KHDRBS2: variants seen among roughly 807,000 people sequenced by gnomAD.
KHDRBS2 encodes KH domain-containing, RNA-binding, signal transduction-associated protein 2.
In KHDRBS2, 26 loss-of-function variants were observed where a neutral mutation model predicts 44.3. That is an observed-to-expected ratio of 0.59 (90% CI 0.43 to 0.81). The LOEUF is 0.81. Ranked by LOEUF, KHDRBS2 falls within the 40% of genes least tolerant of loss-of-function variation. The pLI is 0.00. For synonymous variants in KHDRBS2, 194 were observed against 151.1 expected (o/e 1.28, Z -2.08); for missense variants, 476 against 433.1 (o/e 1.10, Z -0.88).
chr6:62,215,264 G>A (rs1262283572), intron 1 of KHDRBS2, among the ~76,000 whole-genome samples: 1 of 151,884 alleles, frequency 6.6e-6, no homozygotes, highest in Non-Finnish European at 1.5e-5. Context: ...CTACCCACAT[G>A]CAGTGCAATA....
intron 6 of KHDRBS2, among the ~76,000 whole-genome samples, chr6:61,738,393 TTCTA>T (rs1264174840): frequency 1.3e-5 from 2 of 152,074 alleles, no homozygotes; most frequent in Non-Finnish European, 2.9e-5. Context: ...TAAGATTTCT[TTCTA>T]TCTGTGAAGT....
intron 1 of KHDRBS2, among the ~76,000 whole-genome samples, chr6:62,227,825 T>C (rs1832171045): frequency 6.6e-6 from 1 of 152,230 alleles, no homozygotes; most frequent in African/African-American, 2.4e-5. Context: ...ATGGATTACA[T>C]TTATTGATTT....
chr6:61,937,380 T>G (rs1178651205), intron 4 of KHDRBS2, among the ~76,000 whole-genome samples: 2 of 152,112 alleles, frequency 1.3e-5, no homozygotes, highest in Non-Finnish European at 2.9e-5. Flanking sequence ...AAATTCTTCT[T>G]GTACATAGAA....
chr6:62,022,007 A>G (rs1782432158), intron 3 of KHDRBS2, among the ~76,000 whole-genome samples: 1 of 149,270 alleles, frequency 6.7e-6, no homozygotes, highest in South Asian at 2.1e-4. Flanking sequence ...CACACACTAT[A>G]TATATATACA....
Position 62,090,559 on chromosome 6 carries a change from G to GT in KHDRBS2, c.220-42566dup, listed in dbSNP as rs538521180. On this transcript the variant is annotated intron_variant, in intron 2 of 8. Coordinates refer to ENST00000281156, the MANE Select transcript of KHDRBS2 (RefSeq NM_152688.4). ...AACACCTAGTGGTTATAGGAAAGGT[G>GT]TTTTTTTTTTTTAATTTTACTTATT... is the stretch of plus-strand genomic sequence containing the variant. 7.1e-3 allele frequency among the ~76,000 whole-genome samples: 1,014 copies of GT among 143,040 alleles called. 9 individuals carry two copies. The highest frequency in any genetic ancestry group is 0.013 in the African/African-American group (527 of 39,318). The allele number at this position is 143,040 out of a possible 152,430, so 93.8% of individuals were successfully genotyped here. A position where few individuals can be genotyped will look rare whatever the true frequency, so the allele number is the denominator to read the frequency against.
At chr6:61,902,824 C>A (rs547019409) in intron 4 of KHDRBS2, among the ~76,000 whole-genome samples, 1 of 151,828 alleles carries the variant, frequency 6.6e-6, no homozygotes, top group Admixed American at 6.6e-5. Flanking sequence ...GTAGGGTCAC[C>A]CACACACCTC....
chr6:61,811,713 C>A (rs1269325522), intron 6 of KHDRBS2, among the ~76,000 whole-genome samples: 14 of 152,024 alleles, frequency 9.2e-5, no homozygotes, highest in African/African-American at 3.1e-4. Context: ...TTGTTCCTCT[C>A]TTCTTGATTT....
At chr6:62,124,029 G>T (rs1457238914) in intron 2 of KHDRBS2, among the ~76,000 whole-genome samples, 1 of 152,054 alleles carries the variant, frequency 6.6e-6, no homozygotes, top group African/African-American at 2.4e-5. Context: ...TGTTTAAACT[G>T]CTTTGGCAAA....
chr6:61,686,669 CACTA>C (rs1476531057), intron 8 of KHDRBS2, among the ~76,000 whole-genome samples: 1 of 151,554 alleles, frequency 6.6e-6, no homozygotes, highest in African/African-American at 2.4e-5. Context: ...TAGCTGTTGA[CACTA>C]CCTTCTTTTT....
At chr6:62,107,709 A>G (rs374173568) in intron 2 of KHDRBS2, among the ~76,000 whole-genome samples, 16 of 152,208 alleles carry the variant, frequency 1.1e-4, no homozygotes, top group Admixed American at 3.3e-4. Flanking sequence ...CAAGGCTACA[A>G]TAACCAAAAC....
intron 2 of KHDRBS2, among the ~76,000 whole-genome samples, chr6:62,112,023 T>C (rs1241664701): frequency 1.3e-5 from 2 of 152,150 alleles, no homozygotes; most frequent in Non-Finnish European, 2.9e-5. Context: ...AACCATACTT[T>C]GAGAACTAAT....
At chr6:61,982,106 C>T (rs1342610367) in intron 3 of KHDRBS2, among the ~76,000 whole-genome samples, 7 of 152,094 alleles carry the variant, frequency 4.6e-5, no homozygotes, top group African/African-American at 7.2e-5. Flanking sequence ...TAATACCAAA[C>T]TAAGAAGCAA....
chr6:62,181,677 C>A (rs960212962), intron 1 of KHDRBS2, among the ~76,000 whole-genome samples: 2 of 151,964 alleles, frequency 1.3e-5, no homozygotes, highest in African/African-American at 2.4e-5. Flanking sequence ...TTGTTATGGT[C>A]TGAAAGTTTG....
intron 2 of KHDRBS2, among the ~76,000 whole-genome samples, chr6:62,082,193 C>G (rs1415757385): frequency 6.6e-6 from 1 of 151,998 alleles, no homozygotes; most frequent in Non-Finnish European, 1.5e-5. Context: ...GTTAATCTGA[C>G]TTCCAGACTA....
chr6:62,078,560 T>A (rs1403929995), intron 2 of KHDRBS2, among the ~76,000 whole-genome samples: 1 of 151,914 alleles, frequency 6.6e-6, no homozygotes, highest in Admixed American at 6.6e-5. Flanking sequence ...AGAAAAATAT[T>A]TTAATTTATA....
chr6:62,182,174 T>C (rs1357809357), intron 1 of KHDRBS2, among the ~76,000 whole-genome samples: 1 of 152,030 alleles, frequency 6.6e-6, no homozygotes, highest in Admixed American at 6.6e-5. Flanking sequence ...TGTTTATTGT[T>C]TGTAAGGCAC....
intron 6 of KHDRBS2, among the ~76,000 whole-genome samples, chr6:61,848,524 T>A (rs9445496): frequency 3.2e-5 from 2 of 62,714 alleles, no homozygotes; most frequent in Admixed American, 1.7e-4. Flanking sequence ...TATATGTATA[T>A]ATATATACAT....
At chr6:61,748,420 A>C (rs1777172195) in intron 6 of KHDRBS2, among the ~76,000 whole-genome samples, 1 of 152,216 alleles carries the variant, frequency 6.6e-6, no homozygotes, top group Admixed American at 6.5e-5. Flanking sequence ...CCTGGATACC[A>C]GCAGTCCTGG....
chr6:61,869,620 T>C (rs508545), intron 6 of KHDRBS2, among the ~76,000 whole-genome samples: 89,222 of 151,910 alleles, frequency 0.59, 26,398 homozygotes, highest in South Asian at 0.68. Context: ...CCAGCGAGAT[T>C]GACGCAGAAG....
Sources: allele counts gnomAD v4.1 joint callset (sites outside exome capture counted in the v4.1 genomes callset), GRCh38; gene constraint gnomAD v4.1.1; transcripts MANE v1.5; gene names NCBI Gene and HGNC (gene_info 2026-07-23, HGNC 2026-07-21).